Variants in PCDH15 observed in about 807,000 individuals in gnomAD.
PCDH15 encodes protocadherin related 15.
A neutral mutation model predicts 178.5 loss-of-function variants in PCDH15; 129 were observed. The observed-to-expected ratio is 0.72, with a 90% CI of 0.63 to 0.84. PCDH15 has a LOEUF of 0.84. Ranked by LOEUF, PCDH15 falls within the 40% of genes least tolerant of loss-of-function variation. The pLI, the probability that PCDH15 is intolerant of heterozygous loss-of-function variation, is 0.00. For synonymous variants in PCDH15, 800 were observed against 732.0 expected (o/e 1.09, Z -1.50); for missense variants, 2,230 against 2,099.9 (o/e 1.06, Z -1.21).
intron 8 of PCDH15, among the ~76,000 whole-genome samples, chr10:54,290,306 G>A (rs2059314334): frequency 6.6e-6 from 1 of 152,154 alleles, no homozygotes; most frequent in South Asian, 2.1e-4. Context: ...AGCTTCCTAA[G>A]TGAAGGGGAA....
chr10:53,885,143 T>A (rs1404598749), intron 26 of PCDH15, among the ~76,000 whole-genome samples: 8 of 152,310 alleles, frequency 5.3e-5, no homozygotes, highest in African/African-American at 1.7e-4. Flanking sequence ...GGGGTACTTA[T>A]GGTCTCTCTA....
chr10:55,186,040 CA>C (rs1288929810), intron 1 of PCDH15, among the ~76,000 whole-genome samples: 2 of 151,494 alleles, frequency 1.3e-5, no homozygotes, highest in African/African-American at 2.4e-5. Context: ...AAATGATCTA[CA>C]GAGAAAAGTC....
At chr10:54,304,725 G>A (rs1372591304) in intron 8 of PCDH15, among the ~76,000 whole-genome samples, 1 of 152,036 alleles carries the variant, frequency 6.6e-6, no homozygotes, top group Admixed American at 6.6e-5. Context: ...ATAAGCGATA[G>A]GGAGCAAAAG....
At chr10:54,986,671 T>C (rs1195629806) in intron 2 of PCDH15, among the ~76,000 whole-genome samples, 4 of 152,168 alleles carry the variant, frequency 2.6e-5, no homozygotes, top group African/African-American at 9.7e-5. Context: ...TGAAGCTGAA[T>C]TTTTAAGCCA....
intron 2 of PCDH15, among the ~76,000 whole-genome samples, chr10:54,917,911 C>T (rs906199199): frequency 6.6e-6 from 1 of 150,652 alleles, no homozygotes; most frequent in Non-Finnish European, 1.5e-5. Flanking sequence ...TACTAATTAT[C>T]TCAGTACACA....
intron 2 of PCDH15, among the ~76,000 whole-genome samples, chr10:55,545,403 G>C (rs1841858087): frequency 6.6e-6 from 1 of 151,874 alleles, no homozygotes; most frequent in Non-Finnish European, 1.5e-5. Context: ...AGCCTCCCTA[G>C]TAGCTGGGAT....
At position 54,885,756 on chromosome 10, in the gene PCDH15, AGTAGGGTTCTAT is replaced by A. The variant is rs1216456738; in HGVS notation, c.-29+11682_-29+11693del. 2.6e-5 allele frequency among the ~76,000 whole-genome samples: 4 copies of A among 152,120 alleles called. No homozygotes were observed. The South Asian group carries it at 6.2e-4, about 24-fold the overall frequency. On this transcript the variant is annotated intron_variant, in intron 3 of 5. Transcript: ENST00000458638. ...TATTCCATACATACTGAAGCTTGAC[AGTAGGGTTCTAT>A]GAGAAAAAACTCTGAGAACACAATA...
chr10:55,069,730 A>G (rs1228860408), intron 2 of PCDH15, among the ~76,000 whole-genome samples: 2 of 143,546 alleles, frequency 1.4e-5, no homozygotes, highest in African/African-American at 2.6e-5. Context: ...TAGTGCCGCA[A>G]TAAACATATG....
intron 2 of PCDH15, among the ~76,000 whole-genome samples, chr10:55,348,872 T>C (rs1335518474): frequency 6.6e-6 from 1 of 152,060 alleles, no homozygotes. Context: ...GATTATACAA[T>C]GAAATAAGAG....
At chr10:54,364,935 C>A (rs1946585522) in intron 5 of PCDH15, among the ~76,000 whole-genome samples, 1 of 152,060 alleles carries the variant, frequency 6.6e-6, no homozygotes, top group Admixed American at 6.6e-5. Context: ...ATTATAGCTC[C>A]ACTGGTGTTC....
rs185818066 is a variant in PCDH15 at position 54,637,072 on chromosome 10, C to A, written c.91+27100G>T. Among the ~76,000 whole-genome samples the A allele has an allele frequency of 1.7e-3, 256 of 149,700 alleles. 1 individual carries two copies. The highest frequency in any genetic ancestry group is 5.6e-3 in the African/African-American group (227 of 40,706). ...AATTTTCTACTCTGTATCACTATAT[C>A]TATTCCTCTGTCTGTCCTACTCCTA... On this transcript the variant is annotated intron_variant, in intron 2 of 37. Transcript: ENST00000644397.
At chr10:55,064,376 C>T (rs530611219) in intron 2 of PCDH15, among the ~76,000 whole-genome samples, 12 of 152,222 alleles carry the variant, frequency 7.9e-5, no homozygotes, top group South Asian at 4.1e-4. Context: ...AAGTCTGCTG[C>T]TACCTTTCCT....
At chr10:55,011,642 A>C (rs1317807046) in intron 2 of PCDH15, among the ~76,000 whole-genome samples, 1 of 152,092 alleles carries the variant, frequency 6.6e-6, no homozygotes, top group Non-Finnish European at 1.5e-5. Context: ...TTTTCTTTCA[A>C]TTTTTCAATT....
At position 55,563,770 on chromosome 10, in the gene PCDH15, C is replaced by G. The variant is rs536295918; in HGVS notation, c.-156+63855G>C. Among the ~76,000 whole-genome samples the G allele has an allele frequency of 2.3e-4, 34 of 151,062 alleles. No homozygotes were observed. In the East Asian group the frequency reaches 6.1e-3, roughly 27 times the overall value. ...GAAACGATGAACAAAATGAAAATATCAATAGAGACAGAAAGGCTAAAAATG... is the reference window on the plus strand; with the variant it reads ...GAAACGATGAACAAAATGAAAATATGAATAGAGACAGAAAGGCTAAAAATG... On this transcript the variant is annotated intron_variant, in intron 2 of 5. Coordinates refer to the PCDH15 transcript ENST00000613346.
chr10:54,945,896 T>A (rs1310050112), intron 2 of PCDH15, among the ~76,000 whole-genome samples: 1 of 151,862 alleles, frequency 6.6e-6, no homozygotes, highest in Non-Finnish European at 1.5e-5. Context: ...CAAAATTTGT[T>A]GTAATGTGTG....
At chr10:54,544,057 A>G (rs1270735867) in intron 2 of PCDH15, among the ~76,000 whole-genome samples, 1 of 152,146 alleles carries the variant, frequency 6.6e-6, no homozygotes, top group African/African-American at 2.4e-5. Context: ...CCACATTTCT[A>G]TTTTGACTTC....
At chr10:54,653,794 A>G (rs904543270) in intron 2 of PCDH15, among the ~76,000 whole-genome samples, 3 of 152,196 alleles carry the variant, frequency 2.0e-5, no homozygotes, top group Non-Finnish European at 2.9e-5. Context: ...TCTTCCTGCA[A>G]ACATTTTCTG....
At chr10:54,648,000 G>C (rs2094169477) in intron 2 of PCDH15, among the ~76,000 whole-genome samples, 1 of 151,960 alleles carries the variant, frequency 6.6e-6, no homozygotes, top group Middle Eastern at 3.2e-3. Context: ...ATTCTCTCTT[G>C]AGCCCTCTCC....
intron 23 of PCDH15, among the ~76,000 whole-genome samples, chr10:53,946,599 T>C (rs544421803): frequency 6.6e-6 from 1 of 152,334 alleles, no homozygotes; most frequent in South Asian, 2.1e-4. Flanking sequence ...TATTACAATG[T>C]ATTGGATGTA....
Sources: gnomAD v4.1 joint callset for allele counts (sites outside exome capture counted in the v4.1 genomes callset) on GRCh38, gnomAD v4.1.1 for gene constraint, MANE v1.5 for transcripts, NCBI Gene and HGNC (gene_info 2026-07-23, HGNC 2026-07-21) for gene names.